Variants in TESPA1 observed in about 807,000 individuals in gnomAD.
TESPA1 encodes the protein protein TESPA1.
In TESPA1, 33 loss-of-function variants were observed where a neutral mutation model predicts 57.9. The ratio of observed to expected loss-of-function variants is 0.57; its 90% CI spans 0.43 to 0.76. TESPA1 has a LOEUF of 0.76. Among genes scored for constraint, TESPA1 ranks in the 30% least tolerant of loss-of-function variants. The pLI, the probability that TESPA1 is intolerant of heterozygous loss-of-function variation, is 0.00. For synonymous variants in TESPA1, 227 were observed against 228.9 expected (o/e 0.99, Z 0.07); for missense variants, 618 against 632.9 (o/e 0.98, Z 0.25).
chr12:54,980,766 G>T (rs1406847940), intron 1 of TESPA1, among the ~76,000 whole-genome samples: 1 of 152,088 alleles, frequency 6.6e-6, no homozygotes, highest in Non-Finnish European at 1.5e-5. Context: ...ATTTTCAAGG[G>T]GCTCAGTAAG....
intron 3 of TESPA1, among the ~76,000 whole-genome samples, chr12:54,968,235 A>G (rs1293236961): frequency 6.6e-6 from 1 of 152,224 alleles, no homozygotes; most frequent in Non-Finnish European, 1.5e-5. Flanking sequence ...TTACATTCAT[A>G]GAAGCAGGCG....
chr12:54,963,615 G>A, intron 8 of TESPA1, 127 bp downstream of exon 8: 1 of 1,054,136 alleles, frequency 9.5e-7, no homozygotes, highest in Non-Finnish European at 1.4e-6. Context: ...CAACATAAGA[G>A]GAAATAGACA....
chr12:54,954,742 A>G (rs1227190930), intron 10 of TESPA1, among the ~76,000 whole-genome samples: 3 of 152,314 alleles, frequency 2.0e-5, no homozygotes, highest in Middle Eastern at 3.4e-3. Context: ...AGGATTATCC[A>G]TGCCATCACA....
At chr12:54,961,970 G>A (rs766737970) in intron 9 of TESPA1, among the ~76,000 whole-genome samples, 5 of 152,162 alleles carry the variant, frequency 3.3e-5, no homozygotes, top group African/African-American at 2.4e-5. Flanking sequence ...GCTGGGGAGT[G>A]GTTCTGCTCA....
intron 10 of TESPA1, among the ~76,000 whole-genome samples, chr12:54,953,625 C>A (rs902002005): frequency 6.6e-6 from 1 of 150,800 alleles, no homozygotes; most frequent in African/African-American, 2.4e-5. Flanking sequence ...TCACGCCATT[C>A]TCCTGCCTCA....
intron 10 of TESPA1, among the ~76,000 whole-genome samples, chr12:54,954,267 C>T (rs1345902122): frequency 1.3e-5 from 2 of 152,180 alleles, no homozygotes; most frequent in Non-Finnish European, 2.9e-5. Flanking sequence ...TAACTAGTTG[C>T]ATGATCTTGC....
At position 54,948,620 on chromosome 12, in the gene TESPA1, G is replaced by C. The variant is rs2135984941; in HGVS notation, c.*1772C>G. 6.6e-6 allele frequency: 1 copy of C among 152,408 alleles called. No individual in the cohort carries two copies. Among genetic ancestry groups the C allele is most frequent in the African/African-American group, 2.4e-5 (1 of 41,544 alleles). The allele number at this position is 152,408 out of a possible 1,614,324, so 9.4% of individuals were successfully genotyped here. A position where few individuals can be genotyped will look rare whatever the true frequency, so the allele number is the denominator to read the frequency against. On this transcript the variant is annotated 3_prime_UTR_variant, in exon 11 of 11. Transcript: ENST00000449076. Reference sequence around the variant, plus strand: ...CTGCTCCCACTTTGCTTTCCACCATGAGTTAAAGCTCCCTGAGGCCTCCCC... The same window carrying C: ...CTGCTCCCACTTTGCTTTCCACCATCAGTTAAAGCTCCCTGAGGCCTCCCC...
At chr12:54,967,257 G>C in intron 4 of TESPA1, 21 bp from the exon 5 acceptor site, 6 of 1,610,838 alleles carry the variant, frequency 3.7e-6, no homozygotes, top group Non-Finnish European at 5.1e-6. Flanking sequence ...ATCAGGTGAG[G>C]GTCACAGAAA....
chr12:54,980,280 G>T (rs1050558346), intron 1 of TESPA1, among the ~76,000 whole-genome samples: 1 of 152,238 alleles, frequency 6.6e-6, no homozygotes, highest in Non-Finnish European at 1.5e-5. Context: ...AGTGCAGGAA[G>T]TGTTGCTTTG....
At position 54,963,802 on chromosome 12, in the gene TESPA1, G is replaced by C. The variant is rs777094131; in HGVS notation, c.595C>G (p.Leu199Val). ...CTCCGCACCTGGGACTTCAGGAAGA[G>C]CTGGAAATCAATGCCCTTGGCCTGA... ...PSQAKGIDFQ[L>V]FLKSQVRRIE... Residue 199 changes from leucine to valine, a missense_variant, in exon 8 of 11, where the codon CTC (leucine) becomes GTC (valine). Physicochemically the swap from Leu to Val is conservative, Grantham distance 32. Around this residue, in one of 3 missense-constraint regions of TESPA1, gnomAD observed 409 missense variants for 420.1 expected, o/e 0.97. Transcript: ENST00000449076. The C allele has an allele frequency of 6.2e-7, 1 of 1,613,980 alleles. No homozygotes were observed. The highest frequency in any genetic ancestry group is 8.5e-7 in the Non-Finnish European group (1 of 1,179,874).
intron 10 of TESPA1, among the ~76,000 whole-genome samples, chr12:54,953,017 C>G (rs937805446): frequency 6.6e-6 from 1 of 151,854 alleles, no homozygotes; most frequent in Non-Finnish European, 1.5e-5. Context: ...CACTCGTCCT[C>G]CCCTCTATTC....
intron 10 of TESPA1, among the ~76,000 whole-genome samples, chr12:54,954,858 C>G (rs1950635073): frequency 6.6e-6 from 1 of 152,020 alleles, no homozygotes; most frequent in South Asian, 2.1e-4. Flanking sequence ...AGTTTGTTTC[C>G]ACATCTTAGT....
At chr12:54,961,488 C>T (rs888926576) in intron 9 of TESPA1, among the ~76,000 whole-genome samples, 3 of 152,170 alleles carry the variant, frequency 2.0e-5, no homozygotes, top group Admixed American at 6.6e-5. Flanking sequence ...CAAATAATCA[C>T]GGCTTCTTTT....
intron 10 of TESPA1, among the ~76,000 whole-genome samples, chr12:54,953,085 T>A (rs1950496147): frequency 6.6e-6 from 1 of 152,048 alleles, no homozygotes; most frequent in Non-Finnish European, 1.5e-5. Context: ...CTGCAGTAGA[T>A]TCTTAAATTA....
At chr12:54,982,761 C>T (rs1036227978) in intron 1 of TESPA1, among the ~76,000 whole-genome samples, 6 of 152,176 alleles carry the variant, frequency 3.9e-5, no homozygotes, top group Admixed American at 1.3e-4. Flanking sequence ...TCTGTGAATT[C>T]GTATCTTTAA....
At chr12:54,964,054 C>T (rs1042751888) in intron 7 of TESPA1, 104 bp from the exon 8 acceptor site, 4 of 1,184,370 alleles carry the variant, frequency 3.4e-6, no homozygotes, top group Admixed American at 4.4e-5. Context: ...AAATTCTTTT[C>T]TGTCCATTTC....
chr12:54,980,991 C>G (rs1952295273), intron 1 of TESPA1, among the ~76,000 whole-genome samples: 2 of 152,090 alleles, frequency 1.3e-5, no homozygotes, highest in Non-Finnish European at 2.9e-5. Context: ...TGCTGTGTTA[C>G]TCAGGCTGGT....
intron 1 of TESPA1, among the ~76,000 whole-genome samples, chr12:54,977,063 T>G (rs1019937348): frequency 6.6e-5 from 10 of 152,022 alleles, no homozygotes; most frequent in Non-Finnish European, 7.4e-5. Context: ...GCTCTTTCTC[T>G]GCTTGATTTT....
chr12:54,980,227 C>T (rs940587248), intron 1 of TESPA1, among the ~76,000 whole-genome samples: 3 of 152,168 alleles, frequency 2.0e-5, no homozygotes, highest in African/African-American at 2.4e-5. Flanking sequence ...AGAAGAAGCA[C>T]CATAAACACA....
Sources: gnomAD v4.1 joint callset for allele counts (sites outside exome capture counted in the v4.1 genomes callset) on GRCh38, gnomAD v4.1.1 for gene constraint, gnomAD v4.1.1 regional missense constraint, MANE v1.5 for transcripts, NCBI Gene and HGNC (gene_info 2026-07-23, HGNC 2026-07-21) for gene names.